The following TTC28 variants were observed in gnomAD, a reference collection of about 807,000 sequenced individuals.
TTC28 encodes tetratricopeptide repeat protein 28.
A neutral mutation model predicts 198.0 loss-of-function variants in TTC28; 61 were observed. The ratio of observed to expected loss-of-function variants is 0.31; its 90% CI spans 0.25 to 0.38. The LOEUF (loss-of-function observed/expected upper bound fraction) is 0.38. Ranked by LOEUF, TTC28 falls within the 10% of genes least tolerant of loss-of-function variation. TTC28 has a pLI of 1.00. For synonymous variants in TTC28, 1,171 were observed against 1,297.8 expected, an observed-to-expected ratio of 0.90 and a Z score of 2.10; for missense variants, 2,678 against 3,164.0, an observed-to-expected ratio of 0.85 and a Z score of 3.69.
chr22:28,592,625 G>A (rs952962138), intron 2 of TTC28, among the ~76,000 whole-genome samples: 1 of 152,078 alleles, frequency 6.6e-6, no homozygotes, highest in Non-Finnish European at 1.5e-5. Context: ...CATGAATGAC[G>A]ATCCTTCCAT....
At chr22:28,511,717 A>T (rs2048690896) in intron 2 of TTC28, among the ~76,000 whole-genome samples, 1 of 151,880 alleles carries the variant, frequency 6.6e-6, no homozygotes, top group Admixed American at 6.6e-5. Context: ...ACTCAGGAGG[A>T]TGAAGCAGGA....
At position 27,985,343 on chromosome 22, in the gene TTC28, A is replaced by G; in HGVS notation, c.5721T>C (p.Cys1907=). Residue 1907 remains cysteine, a synonymous_variant, in exon 22 of 23, where the codon TGT becomes TGC. Coordinates refer to ENST00000397906, the MANE Select transcript of TTC28 (RefSeq NM_001145418.2). ...EFLAALGFDL[C]EVGQEEVILK... The stretch of plus-strand genomic sequence containing the variant: ...GGATTACTTCCTCCTGACCAACTTC[A>G]CAGAGATCAAAACCTAGAGGAACAA... The G allele has an allele frequency of 6.4e-7, 1 of 1,551,100 alleles. No individual in the cohort carries two copies. Among genetic ancestry groups the G allele is most frequent in the Non-Finnish European group, 8.7e-7 (1 of 1,146,588 alleles).
intron 2 of TTC28, among the ~76,000 whole-genome samples, chr22:28,608,581 C>T (rs1043775251): frequency 1.3e-5 from 2 of 152,138 alleles, no homozygotes; most frequent in Non-Finnish European, 1.5e-5. Context: ...AAATATCCCT[C>T]GGAATCTAAA....
chr22:28,013,331 C>T (rs963661761), intron 14 of TTC28, among the ~76,000 whole-genome samples: 8 of 152,186 alleles, frequency 5.3e-5, no homozygotes, highest in African/African-American at 1.9e-4. Flanking sequence ...GCTTTCCTAA[C>T]AGTCTACGCA....
chr22:28,591,024 CACACACACACACACACATATATATATAT>C (rs1569044815), intron 2 of TTC28, among the ~76,000 whole-genome samples: 2 of 74,532 alleles, frequency 2.7e-5, no homozygotes, highest in African/African-American at 5.3e-5. Flanking sequence ...CACACACACA[CACACACACACACACACATATATATATAT>C]ATATATATAT....
At chr22:28,418,809 A>G (rs1289039334) in intron 2 of TTC28, among the ~76,000 whole-genome samples, 3 of 152,236 alleles carry the variant, frequency 2.0e-5, no homozygotes, top group Non-Finnish European at 4.4e-5. Context: ...CAAGGATCAA[A>G]TAACTAAACA....
intron 12 of TTC28, among the ~76,000 whole-genome samples, chr22:28,077,236 C>G (rs1231342951): frequency 6.6e-6 from 1 of 152,142 alleles, no homozygotes; most frequent in Non-Finnish European, 1.5e-5. Context: ...TGTTCATGCA[C>G]AAGACTCTCT....
chr22:28,370,759 AAGAG>A (rs1237660889), intron 2 of TTC28, among the ~76,000 whole-genome samples: 6 of 152,224 alleles, frequency 3.9e-5, no homozygotes, highest in African/African-American at 1.4e-4. Context: ...AACACAGAGA[AAGAG>A]AGAACTATAG....
At chr22:28,426,150 T>G (rs550395492) in intron 2 of TTC28, among the ~76,000 whole-genome samples, 112 of 148,458 alleles carry the variant, frequency 7.5e-4, no homozygotes, top group Non-Finnish European at 1.4e-3. Flanking sequence ...AGGCCGAAGT[T>G]GCAGTGAGCT....
At chr22:28,639,683 G>A (rs1301635614) in intron 1 of TTC28, among the ~76,000 whole-genome samples, 1 of 152,180 alleles carries the variant, frequency 6.6e-6, no homozygotes, top group Non-Finnish European at 1.5e-5. Context: ...TGTAAGATGT[G>A]ACTTCCTCCT....
intron 5 of TTC28, among the ~76,000 whole-genome samples, chr22:28,204,373 C>T (rs181177302): frequency 2.0e-4 from 31 of 152,244 alleles, no homozygotes; most frequent in Admixed American, 7.9e-4. Flanking sequence ...TCTGTCTAAA[C>T]GGTAATAGTA....
At chr22:28,422,352 CT>C (rs2047269442) in intron 2 of TTC28, among the ~76,000 whole-genome samples, 1 of 152,126 alleles carries the variant, frequency 6.6e-6, no homozygotes, top group African/African-American at 2.4e-5. Context: ...ACACTCTGAT[CT>C]TGTCATCTTG....
intron 2 of TTC28, among the ~76,000 whole-genome samples, chr22:28,439,841 CT>C (rs1213939103): frequency 2.4e-4 from 34 of 141,566 alleles, no homozygotes; most frequent in African/African-American, 2.8e-4. Context: ...AAGCTGTACA[CT>C]TTTTTTTTTT....
intron 2 of TTC28, among the ~76,000 whole-genome samples, chr22:28,554,168 G>GTTA (rs1388064829): frequency 6.6e-5 from 10 of 152,122 alleles, no homozygotes; most frequent in Non-Finnish European, 1.3e-4. Flanking sequence ...ACAGATGCTT[G>GTTA]AAGGCAGCAT....
At chr22:27,984,604 CA>C (rs1160832527) in intron 22 of TTC28, among the ~76,000 whole-genome samples, 2 of 152,168 alleles carry the variant, frequency 1.3e-5, no homozygotes, top group African/African-American at 4.8e-5. Context: ...ACTCACGTAC[CA>C]GCTGCCTGCA....
chr22:28,575,890 T>C (rs1343604762), intron 2 of TTC28, among the ~76,000 whole-genome samples: 1 of 152,154 alleles, frequency 6.6e-6, no homozygotes, highest in Non-Finnish European at 1.5e-5. Flanking sequence ...TCAGTTCTAA[T>C]AGTTTTTGGT....
chr22:28,218,456 C>A (rs1927576068), intron 5 of TTC28, among the ~76,000 whole-genome samples: 1 of 152,022 alleles, frequency 6.6e-6, no homozygotes, highest in Non-Finnish European at 1.5e-5. Flanking sequence ...ATACTGTTTT[C>A]CTTGAAGTGA....
intron 2 of TTC28, among the ~76,000 whole-genome samples, chr22:28,310,427 C>A (rs983808342): frequency 3.9e-5 from 6 of 152,160 alleles, no homozygotes; most frequent in South Asian, 2.1e-4. Context: ...AATAAAAACA[C>A]TGAAAGGCTA....
At chr22:28,546,265 G>A (rs983913909) in intron 2 of TTC28, among the ~76,000 whole-genome samples, 1 of 152,072 alleles carries the variant, frequency 6.6e-6, no homozygotes, top group African/African-American at 2.4e-5. Flanking sequence ...GCCCAACATG[G>A]TGAGACCCCG....
Sources: allele counts gnomAD v4.1 joint callset (sites outside exome capture counted in the v4.1 genomes callset), GRCh38; gene constraint gnomAD v4.1.1; transcripts MANE v1.5; gene names NCBI Gene and HGNC (gene_info 2026-07-23, HGNC 2026-07-21).